The following SNX29 variants were observed in gnomAD, a reference collection of about 807,000 sequenced individuals.
The protein encoded by SNX29 is sorting nexin 29.
In SNX29, 78 loss-of-function variants were observed where a neutral mutation model predicts 102.1. That is an observed-to-expected ratio of 0.76 (90% CI 0.64 to 0.92). SNX29 has a LOEUF of 0.92. Ranked by LOEUF, SNX29 falls within the 40% of genes least tolerant of loss-of-function variation. The probability of loss-of-function intolerance (pLI) is 0.00; values close to 1 mark genes in which losing one functional copy is unlikely to be tolerated. For synonymous variants in SNX29, 580 were observed against 414.5 expected (o/e 1.40, Z -4.85); for missense variants, 1,280 against 1,061.7 (o/e 1.21, Z -2.86).
At chr16:12,467,619 C>CGTTT (rs147406133) in intron 18 of SNX29, among the ~76,000 whole-genome samples, 14,429 of 143,718 alleles carry the variant, frequency 0.1, 1,036 homozygotes, top group African/African-American at 0.23. Context: ...TTTGTTCGTT[C>CGTTT]GTTAGTTCGT....
chr16:12,261,804 A>G (rs1258815638), intron 14 of SNX29, among the ~76,000 whole-genome samples: 1 of 87,030 alleles, frequency 1.1e-5, no homozygotes, highest in Admixed American at 1.4e-4. Flanking sequence ...GGGTCTGTGC[A>G]CGTGTCCCCG....
intron 13 of SNX29, among the ~76,000 whole-genome samples, chr16:12,140,548 C>T (rs2141496908): frequency 6.6e-6 from 1 of 152,332 alleles, no homozygotes; most frequent in East Asian, 1.9e-4. Flanking sequence ...CGGTGAGGTG[C>T]AGCCTGCAGA....
At chr16:12,234,272 A>T (rs1411780248) in intron 14 of SNX29, among the ~76,000 whole-genome samples, 1 of 152,100 alleles carries the variant, frequency 6.6e-6, no homozygotes, top group Non-Finnish European at 1.5e-5. Context: ...ACGTTTGCAA[A>T]TCAGTGGTTT....
intron 13 of SNX29, among the ~76,000 whole-genome samples, chr16:12,130,231 C>T (rs377378736): frequency 2.0e-5 from 3 of 150,144 alleles, no homozygotes; most frequent in East Asian, 2.0e-4. Context: ...AATCCCAACA[C>T]TTTGGGAGGC....
At chr16:12,399,317 G>T (rs1253390270) in intron 17 of SNX29, among the ~76,000 whole-genome samples, 1 of 152,186 alleles carries the variant, frequency 6.6e-6, no homozygotes, top group African/African-American at 2.4e-5. Flanking sequence ...CTCCCAAAGT[G>T]CTGGGATTAC....
chr16:12,482,207 A>G (rs889546698), intron 19 of SNX29, among the ~76,000 whole-genome samples: 7 of 152,194 alleles, frequency 4.6e-5, no homozygotes, highest in Non-Finnish European at 7.4e-5. Flanking sequence ...CGCCTGGACC[A>G]TTGTGGCACA....
chr16:12,020,437 A>G (rs1196767435), intron 3 of SNX29, among the ~76,000 whole-genome samples: 1 of 151,716 alleles, frequency 6.6e-6, no homozygotes, highest in East Asian at 1.9e-4. Flanking sequence ...CCTGGCCTCA[A>G]GTGATCTGCC....
intron 15 of SNX29, among the ~76,000 whole-genome samples, chr16:12,303,877 G>C (rs1381278443): frequency 1.3e-5 from 2 of 152,140 alleles, no homozygotes; most frequent in Non-Finnish European, 2.9e-5. Context: ...GCACCTTCTG[G>C]TTTATCACAG....
intron 14 of SNX29, among the ~76,000 whole-genome samples, chr16:12,217,543 A>G (rs1401846360): frequency 3.9e-5 from 6 of 152,222 alleles, no homozygotes; most frequent in African/African-American, 1.2e-4. Context: ...CACCTGTAGT[A>G]TGTCTGCCAC....
chr16:12,008,398 T>A (rs1391941015), intron 3 of SNX29, among the ~76,000 whole-genome samples: 6 of 152,110 alleles, frequency 3.9e-5, no homozygotes, highest in Non-Finnish European at 5.9e-5. Context: ...GCCTTCCAGG[T>A]AGCTGGGATT....
At chr16:12,100,076 G>A (rs1407564099) in intron 11 of SNX29, among the ~76,000 whole-genome samples, 2 of 152,132 alleles carry the variant, frequency 1.3e-5, no homozygotes, top group Non-Finnish European at 2.9e-5. Flanking sequence ...TCCAGCATAG[G>A]GAGTCCTTGG....
intron 15 of SNX29, among the ~76,000 whole-genome samples, chr16:12,346,684 T>C (rs921839966): frequency 6.6e-6 from 1 of 152,180 alleles, no homozygotes; most frequent in Non-Finnish European, 1.5e-5. Flanking sequence ...GGGCTGGGGC[T>C]CCAGGTTTTG....
At chr16:12,457,161 C>G (rs2151738109) in intron 18 of SNX29, among the ~76,000 whole-genome samples, 1 of 152,274 alleles carries the variant, frequency 6.6e-6, no homozygotes, top group South Asian at 2.1e-4. Context: ...AGAGTTCAAC[C>G]CCTTTCCAGA....
At chr16:12,150,124 C>T (rs2055234668) in intron 13 of SNX29, among the ~76,000 whole-genome samples, 1 of 152,068 alleles carries the variant, frequency 6.6e-6, no homozygotes, top group Admixed American at 6.6e-5. Context: ...TATTGAAGGC[C>T]TTTAAGGAGG....
intron 20 of SNX29, among the ~76,000 whole-genome samples, chr16:12,535,750 C>T (rs1329856134): frequency 6.6e-6 from 1 of 152,058 alleles, no homozygotes; most frequent in East Asian, 1.9e-4. Context: ...GCTCGTCTTC[C>T]ACCACTGTGT....
chr16:12,552,335 G>A (rs1016636120), intron 20 of SNX29, among the ~76,000 whole-genome samples: 2 of 152,118 alleles, frequency 1.3e-5, no homozygotes, highest in African/African-American at 4.8e-5. Flanking sequence ...TCCTCTCCTG[G>A]CTTCTGTGAG....
intron 20 of SNX29, among the ~76,000 whole-genome samples, chr16:12,562,247 C>T (rs577735284): frequency 2.4e-4 from 36 of 152,278 alleles, no homozygotes; most frequent in Non-Finnish European, 4.7e-4. Context: ...AGGGCGAGGG[C>T]ATTCACTAAG....
intron 14 of SNX29, among the ~76,000 whole-genome samples, chr16:12,209,644 C>T (rs376387477): frequency 5.3e-5 from 8 of 152,268 alleles, no homozygotes; most frequent in African/African-American, 1.9e-4. Context: ...CCACCAGCTG[C>T]GTGTTTGACT....
intron 13 of SNX29, among the ~76,000 whole-genome samples, chr16:12,196,622 C>CTTTTTT (rs34779383): frequency 1.5e-5 from 2 of 129,666 alleles, no homozygotes; most frequent in African/African-American, 2.8e-5. Context: ...TTTCTTTTTT[C>CTTTTTT]TTTTTTTTTT....
Sources: allele counts gnomAD v4.1 joint callset (sites outside exome capture counted in the v4.1 genomes callset), GRCh38; gene constraint gnomAD v4.1.1; transcripts MANE v1.5; gene names NCBI Gene and HGNC (gene_info 2026-07-23, HGNC 2026-07-21).